CCSER1: variants seen among roughly 807,000 people sequenced by gnomAD.
CCSER1 encodes coiled-coil serine rich protein 1.
A neutral mutation model predicts 82.0 loss-of-function variants in CCSER1; 41 were observed. The ratio of observed to expected loss-of-function variants is 0.50; its 90% CI spans 0.39 to 0.65. The LOEUF (loss-of-function observed/expected upper bound fraction) is 0.65. Ranked by LOEUF, CCSER1 falls within the 30% of genes least tolerant of loss-of-function variation. The probability of loss-of-function intolerance (pLI) is 0.00; values close to 1 mark genes in which losing one functional copy is unlikely to be tolerated. For missense variants in CCSER1, 1,119 were observed against 1,064.2 expected (o/e 1.05, Z -0.72); for synonymous variants, 414 against 383.9 (o/e 1.08, Z -0.92).
intron 9 of CCSER1, among the ~76,000 whole-genome samples, chr4:91,039,769 A>G (rs1223574985): frequency 6.6e-6 from 1 of 151,960 alleles, no homozygotes; most frequent in Non-Finnish European, 1.5e-5. Context: ...TATAATATCC[A>G]CGTATGTGAT....
chr4:91,050,755 T>C (rs1742938579), intron 9 of CCSER1, among the ~76,000 whole-genome samples: 2 of 152,310 alleles, frequency 1.3e-5, no homozygotes, highest in East Asian at 1.9e-4. Flanking sequence ...CCAGTCCAGA[T>C]AACACTGTAT....
intron 9 of CCSER1, among the ~76,000 whole-genome samples, chr4:91,053,469 CT>C (rs973447116): frequency 6.6e-6 from 1 of 152,130 alleles, no homozygotes. Flanking sequence ...CTGACTTAAC[CT>C]TTTTTATTTT....
intron 7 of CCSER1, among the ~76,000 whole-genome samples, chr4:90,743,911 TTTC>T (rs1205536141): frequency 6.6e-6 from 1 of 152,204 alleles, no homozygotes; most frequent in African/African-American, 2.4e-5. Context: ...TGTCCCCATT[TTTC>T]TTGCTCTTTC....
At chr4:90,500,133 C>G (rs185083597) in intron 5 of CCSER1, among the ~76,000 whole-genome samples, 1 of 151,980 alleles carries the variant, frequency 6.6e-6, no homozygotes, top group East Asian at 1.9e-4. Flanking sequence ...ATTCTTTTTC[C>G]CTTTTTTTCA....
chr4:91,587,032 A>G lies in CCSER1; in HGVS notation c.2218-11540A>G, dbSNP rs556041336. Among the ~76,000 whole-genome samples, 10 of 151,892 alleles carry G rather than the reference A, an allele frequency of 6.6e-5. No individual in the cohort carries two copies. The South Asian group carries it at 2.1e-3, about 31-fold the overall frequency. Reference sequence around the variant, plus strand: ...TAATAAACTTAGCATGGGAGATGCAATCTCTTTTATTAGGACTAGTTTTAG... The same window carrying G: ...TAATAAACTTAGCATGGGAGATGCAGTCTCTTTTATTAGGACTAGTTTTAG... On this transcript the variant is annotated intron_variant, in intron 10 of 10. Coordinates refer to ENST00000509176, the MANE Select transcript of CCSER1 (RefSeq NM_001145065.2).
At chr4:91,301,647 A>G (rs949049147) in intron 10 of CCSER1, among the ~76,000 whole-genome samples, 1 of 151,818 alleles carries the variant, frequency 6.6e-6, no homozygotes, top group African/African-American at 2.4e-5. Context: ...ATGCAAACCT[A>G]TGTCCTTTAA....
chr4:90,428,217 A>G (rs1023929601), intron 4 of CCSER1, among the ~76,000 whole-genome samples: 5 of 151,892 alleles, frequency 3.3e-5, no homozygotes, highest in African/African-American at 1.2e-4. Context: ...CTCCTTCTAC[A>G]TTACCATCTT....
At chr4:90,909,114 T>C (rs1020538784) in intron 8 of CCSER1, among the ~76,000 whole-genome samples, 1 of 137,572 alleles carries the variant, frequency 7.3e-6, no homozygotes, top group African/African-American at 2.7e-5. Context: ...GGCTTGTAGA[T>C]GGATCTACAC....
intron 3 of CCSER1, among the ~76,000 whole-genome samples, chr4:90,351,361 C>G (rs1003830258): frequency 2.6e-5 from 4 of 151,860 alleles, no homozygotes; most frequent in African/African-American, 9.7e-5. Flanking sequence ...ATGTTTTATA[C>G]CAAAAGGAAT....
intron 5 of CCSER1, among the ~76,000 whole-genome samples, chr4:90,589,995 T>C (rs1280427803): frequency 1.3e-5 from 2 of 152,222 alleles, no homozygotes; most frequent in Non-Finnish European, 2.9e-5. Flanking sequence ...AATTTTAGGC[T>C]GGACACAATG....
chr4:90,614,126 A>C (rs1013553359), intron 5 of CCSER1, among the ~76,000 whole-genome samples: 3 of 148,052 alleles, frequency 2.0e-5, no homozygotes, highest in Non-Finnish European at 4.4e-5. Context: ...AAACTTTTTC[A>C]TTATTATATT....
chr4:91,235,011 A>C (rs971241343), intron 10 of CCSER1, among the ~76,000 whole-genome samples: 2 of 152,052 alleles, frequency 1.3e-5, no homozygotes, highest in Non-Finnish European at 2.9e-5. Flanking sequence ...CAGGCTTTGA[A>C]TCTTGGTTCC....
chr4:90,283,182 A>G (rs1032404740), intron 1 of CCSER1, among the ~76,000 whole-genome samples: 1 of 152,034 alleles, frequency 6.6e-6, no homozygotes, highest in African/African-American at 2.4e-5. Context: ...TATTTCTAAT[A>G]GAAACGCTAA....
chr4:90,689,496 A>G (rs1406105515), intron 6 of CCSER1, among the ~76,000 whole-genome samples: 2 of 152,308 alleles, frequency 1.3e-5, no homozygotes, highest in South Asian at 2.1e-4. Context: ...GATTTCTAAT[A>G]TTTAATGTAA....
At chr4:90,442,862 C>T (rs1419432479) in intron 4 of CCSER1, among the ~76,000 whole-genome samples, 2 of 152,102 alleles carry the variant, frequency 1.3e-5, no homozygotes, top group African/African-American at 2.4e-5. Flanking sequence ...AGAGAGAGTG[C>T]CGGTCCTTGG....
At chr4:90,955,599 T>C (rs1733353603) in intron 9 of CCSER1, among the ~76,000 whole-genome samples, 1 of 152,144 alleles carries the variant, frequency 6.6e-6, no homozygotes, top group South Asian at 2.1e-4. Context: ...GACATTCCAT[T>C]CCAAGCATTT....
At chr4:90,807,998 C>A (rs972522337) in intron 7 of CCSER1, among the ~76,000 whole-genome samples, 2 of 151,958 alleles carry the variant, frequency 1.3e-5, no homozygotes, top group Admixed American at 6.6e-5. Context: ...AATTTTACTA[C>A]AAGGCTATAG....
At chr4:90,325,689 A>G (rs1223640087) in intron 3 of CCSER1, 1 of 437,420 alleles carries the variant, frequency 2.3e-6, no homozygotes, top group Non-Finnish European at 4.7e-6. Context: ...TTCTGAGGTG[A>G]CAGTCACTGG....
At chr4:91,151,581 G>C (rs1230025324) in intron 10 of CCSER1, among the ~76,000 whole-genome samples, 1 of 152,084 alleles carries the variant, frequency 6.6e-6, no homozygotes, top group Admixed American at 6.5e-5. Flanking sequence ...GTCAATTTTA[G>C]ATCTTCCCTG....
Sources: allele counts gnomAD v4.1 joint callset (sites outside exome capture counted in the v4.1 genomes callset), GRCh38; gene constraint gnomAD v4.1.1; transcripts MANE v1.5; gene names NCBI Gene and HGNC (gene_info 2026-07-23, HGNC 2026-07-21).